The following DZIP3 variants were observed in gnomAD, a reference collection of about 807,000 sequenced individuals.
DZIP3 encodes DAZ interacting zinc finger protein 3, also known as E3 ubiquitin-protein ligase DZIP3.
A neutral mutation model predicts 162.0 loss-of-function variants in DZIP3; 118 were observed. The ratio of observed to expected loss-of-function variants is 0.73; its 90% confidence interval spans 0.63 to 0.85. The LOEUF is 0.85. DZIP3 is among the 40% of genes least tolerant of loss of function. The pLI is 0.00. For missense variants in DZIP3, 1,331 were observed against 1,407.0 expected, an observed-to-expected ratio of 0.95 and a Z score of 0.86; for synonymous variants, 438 against 458.6, an observed-to-expected ratio of 0.96 and a Z score of 0.57.
intron 4 of DZIP3, among the ~76,000 whole-genome samples, chr3:108,612,655 G>A (rs1163249312): frequency 1.3e-5 from 2 of 151,934 alleles, no homozygotes; most frequent in African/African-American, 4.8e-5. Context: ...ACATTCTCCC[G>A]TATGTGTTAC....
intron 1 of DZIP3, among the ~76,000 whole-genome samples, chr3:108,600,344 G>A (rs1939938739): frequency 7.3e-6 from 1 of 136,456 alleles, no homozygotes; most frequent in Non-Finnish European, 1.5e-5. Flanking sequence ...GTTTGTAATA[G>A]CATTTTTTTT....
chr3:108,678,426 G>A (rs1208773781), intron 26 of DZIP3, among the ~76,000 whole-genome samples: 1 of 151,946 alleles, frequency 6.6e-6, no homozygotes, highest in Non-Finnish European at 1.5e-5. Context: ...GGGGACCGCT[G>A]CACGAAATGA....
chr3:108,608,036 T>G, intron 2 of DZIP3, 53 bp from the exon 3 acceptor site: 1 of 1,420,698 alleles, frequency 7.0e-7, no homozygotes, highest in Non-Finnish European at 9.9e-7. Context: ...TACTACAATT[T>G]GTGTTCTTTG....
intron 23 of DZIP3, among the ~76,000 whole-genome samples, chr3:108,673,182 G>T (rs138332372): frequency 3.8e-4 from 57 of 151,952 alleles, no homozygotes; most frequent in Middle Eastern, 3.4e-3. Flanking sequence ...AACAAAACTT[G>T]ATATACAGTA....
rs149826089 is a variant in DZIP3 at position 108,653,830 on chromosome 3, G to A, written c.2034-315G>A. On this transcript the variant is annotated intron_variant, in intron 18 of 32. Coordinates refer to ENST00000361582, the MANE Select transcript of DZIP3 (RefSeq NM_014648.4). ...GCTTGCCAATATTTCTGAAAGTACT[G>A]TTTTCCAAAGCAACTGATGTAACTA... Among the ~76,000 whole-genome samples, 474 of 152,086 alleles carry A rather than the reference G, an allele frequency of 3.1e-3. 2 individuals carry two copies. The highest frequency in any genetic ancestry group is 0.011 in the African/African-American group (454 of 41,522).
At chr3:108,674,864 A>G (rs1490125964) in intron 24 of DZIP3, among the ~76,000 whole-genome samples, 4 of 151,914 alleles carry the variant, frequency 2.6e-5, no homozygotes, top group Non-Finnish European at 5.9e-5. Context: ...TTATTATTTT[A>G]ATAATCAGCA....
rs138101592 is a variant in DZIP3, at chr3:108,610,643, A to T, written c.103-531A>T. ...TGTTAAGGTTTGAAGGAAGGCCATCATCCATCTGTTCTAGGCCATTTATCC... is the reference window on the plus strand; with the variant it reads ...TGTTAAGGTTTGAAGGAAGGCCATCTTCCATCTGTTCTAGGCCATTTATCC... On this transcript the variant is annotated intron_variant, in intron 3 of 32. Coordinates refer to ENST00000361582, the MANE Select transcript of DZIP3 (RefSeq NM_014648.4). Among the ~76,000 whole-genome samples, 1,024 of 152,332 alleles carry T rather than the reference A, an allele frequency of 6.7e-3. 12 individuals are homozygous for T. The highest frequency in any genetic ancestry group is 0.024 in the African/African-American group (980 of 41,572).
chr3:108,600,213 A>G (rs1939930365), intron 1 of DZIP3, among the ~76,000 whole-genome samples: 2 of 152,320 alleles, frequency 1.3e-5, no homozygotes, highest in South Asian at 4.1e-4. Context: ...CTGCTTGTTA[A>G]CAGACCCATG....
At position 108,634,859 on chromosome 3, in the gene DZIP3, A is replaced by T; in HGVS notation, c.817-12A>T. The T allele has an allele frequency of 6.4e-7, 1 of 1,574,698 alleles. No individual in the cohort carries two copies. Among genetic ancestry groups the T allele is most frequent in the Non-Finnish European group, 8.7e-7 (1 of 1,152,056 alleles). ...ATGTCCTTATTGATAACTTACTTTT[A>T]TTTTTTTCCAGGGATTTTTTCAGTT... On this transcript the variant is annotated splice_polypyrimidine_tract_variant and intron_variant, in intron 9 of 32. Transcript: ENST00000361582.
At chr3:108,659,169 G>A (rs936879281) in intron 19 of DZIP3, among the ~76,000 whole-genome samples, 34 of 152,292 alleles carry the variant, frequency 2.2e-4, no homozygotes, top group Non-Finnish European at 4.1e-4. Context: ...TGATAGCAAA[G>A]CCGGGCAGAG....
intron 22 of DZIP3, among the ~76,000 whole-genome samples, chr3:108,670,528 C>T (rs1237728545): frequency 6.6e-6 from 1 of 151,770 alleles, no homozygotes; most frequent in Non-Finnish European, 1.5e-5. Flanking sequence ...TTTTATTTTT[C>T]ATCAGTTGAT....
At chr3:108,672,065 A>G (rs1252639324) in intron 22 of DZIP3, among the ~76,000 whole-genome samples, 5 of 151,914 alleles carry the variant, frequency 3.3e-5, no homozygotes, top group Admixed American at 2.6e-4. Context: ...CCGTCTTCCC[A>G]CTATAACTTC....
intron 21 of DZIP3, among the ~76,000 whole-genome samples, chr3:108,669,256 T>G (rs1277556576): frequency 1.3e-5 from 2 of 151,932 alleles, no homozygotes; most frequent in Non-Finnish European, 1.5e-5. Context: ...ACCTTAAATC[T>G]TTCATAATTT....
At chr3:108,664,904 G>A (rs895455347) in intron 21 of DZIP3, among the ~76,000 whole-genome samples, 15 of 152,202 alleles carry the variant, frequency 9.9e-5, no homozygotes, top group African/African-American at 3.6e-4. Context: ...CACTGAGGCA[G>A]TGTGAGTCAG....
intron 3 of DZIP3, among the ~76,000 whole-genome samples, chr3:108,610,108 C>T (rs531345571): frequency 8.5e-5 from 13 of 152,148 alleles, no homozygotes; most frequent in African/African-American, 3.1e-4. Context: ...GTACAATGAA[C>T]ATCCTTCATA....
intron 5 of DZIP3, among the ~76,000 whole-genome samples, chr3:108,618,657 C>G (rs979932306): frequency 6.6e-6 from 1 of 152,196 alleles, no homozygotes; most frequent in African/African-American, 2.4e-5. Context: ...TCTATCTCCA[C>G]TGAGATCAGT....
intron 3 of DZIP3, 105 bp from the exon 4 acceptor site, chr3:108,611,069 G>T: frequency 8.9e-7 from 1 of 1,122,108 alleles, no homozygotes; most frequent in Admixed American, 2.8e-5. Context: ...GGAGAACAAG[G>T]GAAAATGAGC....
intron 31 of DZIP3, among the ~76,000 whole-genome samples, chr3:108,690,347 C>A (rs1032018569): frequency 3.9e-5 from 6 of 152,168 alleles, no homozygotes; most frequent in Non-Finnish European, 7.4e-5. Context: ...AGAAAACAAT[C>A]TGAGAAGTGT....
At chr3:108,652,603 C>T (rs1307577324) in intron 18 of DZIP3, among the ~76,000 whole-genome samples, 2 of 151,150 alleles carry the variant, frequency 1.3e-5, no homozygotes, top group Non-Finnish European at 3.0e-5. Flanking sequence ...TTTAGTGTAG[C>T]CTGAGTTTGT....
Sources: gnomAD v4.1 joint callset for allele counts (sites outside exome capture counted in the v4.1 genomes callset) on GRCh38, gnomAD v4.1.1 for gene constraint, MANE v1.5 for transcripts, NCBI Gene and HGNC (gene_info 2026-07-23, HGNC 2026-07-21) for gene names.